The following SPTBN1 variants were observed in gnomAD, a reference collection of about 807,000 sequenced individuals.
SPTBN1 encodes spectrin beta, non-erythrocytic 1, also known as spectrin beta chain, non-erythrocytic 1.
Under a neutral mutation model 266.4 loss-of-function variants are expected in SPTBN1, and 32 were observed. That is an observed-to-expected ratio of 0.12 (90% CI 0.09 to 0.16). The LOEUF is 0.16. SPTBN1 is among the 10% of genes least tolerant of loss of function. The pLI, the probability that SPTBN1 is intolerant of heterozygous loss-of-function variation, is 1.00. For synonymous variants in SPTBN1, 1,336 were observed against 1,162.2 expected (o/e 1.15, Z -3.04); for missense variants, 2,296 against 3,067.1 (o/e 0.75, Z 5.94).
At chr2:54,497,846 C>G (rs886961527) in intron 1 of SPTBN1, among the ~76,000 whole-genome samples, 1 of 152,140 alleles carries the variant, frequency 6.6e-6, no homozygotes, top group Non-Finnish European at 1.5e-5. Context: ...CTTACAAAAT[C>G]CATAAAAACA....
chr2:54,476,497 A>G (rs1667840356), intron 1 of SPTBN1, among the ~76,000 whole-genome samples: 1 of 152,236 alleles, frequency 6.6e-6, no homozygotes, highest in Admixed American at 6.5e-5. Context: ...GCTGGGCTTA[A>G]TAACATGTAC....
chr2:54,661,401 G>C (rs879631207), intron 32 of SPTBN1: 91 of 985,620 alleles, frequency 9.2e-5, no homozygotes, highest in Admixed American at 1.2e-4. Flanking sequence ...TTCTCTATGA[G>C]TTAAGTCTGA....
At chr2:54,485,203 C>T (rs982115442) in intron 1 of SPTBN1, among the ~76,000 whole-genome samples, 2 of 130,996 alleles carry the variant, frequency 1.5e-5, no homozygotes, top group African/African-American at 5.0e-5. Flanking sequence ...TCTCGGTCTC[C>T]CTCTCCCTCT....
At chr2:54,574,762 A>C (rs898326198) in intron 2 of SPTBN1, among the ~76,000 whole-genome samples, 2 of 152,226 alleles carry the variant, frequency 1.3e-5, no homozygotes, top group African/African-American at 4.8e-5. Flanking sequence ...TCATGTGTCT[A>C]CTGATGCCTG....
chr2:54,533,898 TCTCA>T lies in SPTBN1; in HGVS notation c.148+7334_148+7337del, dbSNP rs1671426381. On this transcript the variant is annotated intron_variant, in intron 2 of 35. Coordinates refer to ENST00000356805, the MANE Select transcript of SPTBN1 (RefSeq NM_003128.3). This position sits in a 1 kb window ranked among gnomAD's most constrained non-coding sequence, Gnocchi z 4.2. ...AGATTGATCTCTCTCTCTGTCTCTCTCTCACACACACACACACACACACACACAC... is the reference window on the plus strand; with the variant it reads ...AGATTGATCTCTCTCTCTGTCTCTCTCACACACACACACACACACACACAC... 1.1e-5 allele frequency among the ~76,000 whole-genome samples: 1 copy of T among 93,516 alleles called. No homozygotes were observed. The highest frequency in any genetic ancestry group is 4.6e-5 in the African/African-American group (1 of 21,716). The allele number at this position is 93,516 out of a possible 152,430, so 61.4% of individuals were successfully genotyped here. A position where few individuals can be genotyped will look rare whatever the true frequency, so the allele number is the denominator to read the frequency against.
chr2:54,511,910 TA>T (rs1669875600), intron 1 of SPTBN1, among the ~76,000 whole-genome samples: 1 of 152,170 alleles, frequency 6.6e-6, no homozygotes, highest in Non-Finnish European at 1.5e-5. Flanking sequence ...CTCACCATGA[TA>T]TAGAATCAGT....
intron 1 of SPTBN1, among the ~76,000 whole-genome samples, chr2:54,456,880 C>G (rs1000783328): frequency 1.4e-4 from 21 of 151,484 alleles, no homozygotes; most frequent in Admixed American, 5.9e-4. Flanking sequence ...TCCCTGCAGC[C>G]GGGCGCGGCG....
chr2:54,499,145 C>T (rs950124117), intron 1 of SPTBN1, among the ~76,000 whole-genome samples: 13 of 57,412 alleles, frequency 2.3e-4, no homozygotes, highest in African/African-American at 5.8e-4. Context: ...TGGAAGGGAT[C>T]GATCTGTTCT....
In SPTBN1 at chr2:54,645,413, A is replaced by G. The variant is rs761483604; in HGVS notation, c.4454A>G (p.Lys1485Arg). Residue 1485 changes from lysine to arginine, a missense_variant, in exon 21 of 36, where the codon AAA becomes AGA. By Grantham distance (26) the Lys-to-Arg change is conservative. Around this residue, in one of 12 missense-constraint regions of SPTBN1, gnomAD observed 3 missense variants for 18.3 expected, o/e 0.16. Coordinates refer to ENST00000356805, the MANE Select transcript of SPTBN1 (RefSeq NM_003128.3). The surrounding 1 kb of genome is among the most constrained non-coding windows in gnomAD (Gnocchi z 4.3). Reference sequence around the variant, plus strand: ...AGGAAGCATAACCTGCTGGCCTCCAAAGAGATCCATCAGTTCAACAGGGAT... The same window carrying G: ...AGGAAGCATAACCTGCTGGCCTCCAGAGAGATCCATCAGTTCAACAGGGAT... The part of the protein sequence containing the change: ...NERKHNLLAS[K>R]EIHQFNRDVE... 6 of 1,614,024 alleles carry G rather than the reference A, an allele frequency of 3.7e-6. No individual in the cohort carries two copies. In the East Asian group the frequency reaches 8.9e-5, roughly 24 times the overall value.
chr2:54,463,320 ACAAGT>A (rs1177291767), intron 1 of SPTBN1, among the ~76,000 whole-genome samples: 1 of 152,266 alleles, frequency 6.6e-6, no homozygotes, highest in Non-Finnish European at 1.5e-5. Context: ...TGACAAATAG[ACAAGT>A]CAAGTGCATG....
chr2:54,610,085 T>TACACTTTTCCTTCAC, intron 3 of SPTBN1, among the ~76,000 whole-genome samples: 1 of 152,232 alleles, frequency 6.6e-6, no homozygotes, highest in Admixed American at 6.5e-5. Context: ...TTTTCCTTCA[T>TACACTTTTCCTTCAC]TGATTTTCTT....
At chr2:54,586,555 G>A (rs1222945017) in intron 2 of SPTBN1, among the ~76,000 whole-genome samples, 1 of 152,110 alleles carries the variant, frequency 6.6e-6, no homozygotes, top group Non-Finnish European at 1.5e-5. Flanking sequence ...GAGGACTTCT[G>A]TATCTTAGCT....
intron 1 of SPTBN1, among the ~76,000 whole-genome samples, chr2:54,523,124 T>C (rs1039668418): frequency 1.3e-5 from 2 of 152,242 alleles, no homozygotes; most frequent in African/African-American, 2.4e-5. Context: ...TGCATGACAT[T>C]ATTAATTTTC....
At position 54,630,847 on chromosome 2, in the gene SPTBN1, A is replaced by C. The variant is rs1213617081; in HGVS notation, c.2808-8A>C. Reference sequence around the variant, plus strand: ...TTTCACACTCGCTGTCTGCCCCTGCACTCACAGGTGGAGCCAGTTCAGAGA... The same window carrying C: ...TTTCACACTCGCTGTCTGCCCCTGCCCTCACAGGTGGAGCCAGTTCAGAGA... On this transcript the variant is annotated splice_polypyrimidine_tract_variant and splice_region_variant and intron_variant, in intron 15 of 35. Coordinates refer to ENST00000356805, the MANE Select transcript of SPTBN1 (RefSeq NM_003128.3). 5 of 1,562,466 alleles carry C rather than the reference A, an allele frequency of 3.2e-6. No individual in the cohort carries two copies. The highest frequency in any genetic ancestry group is 4.5e-5 in the East Asian group (2 of 44,378).
chr2:54,659,803 T>TA, intron 31 of SPTBN1, 133 bp from the exon 32 acceptor site: 1 of 1,449,310 alleles, frequency 6.9e-7, no homozygotes. Flanking sequence ...GTTTCAGATT[T>TA]AAAAAGAATT....
At chr2:54,600,754 G>T (rs1274962567) in intron 3 of SPTBN1, among the ~76,000 whole-genome samples, 4 of 124,952 alleles carry the variant, frequency 3.2e-5, no homozygotes, top group Admixed American at 8.5e-5. Flanking sequence ...ATGGTGTTTT[G>T]AAAGTAGCTA....
At chr2:54,480,351 T>A (rs915257993) in intron 1 of SPTBN1, among the ~76,000 whole-genome samples, 3 of 152,204 alleles carry the variant, frequency 2.0e-5, no homozygotes, top group African/African-American at 7.2e-5. Flanking sequence ...GTTGCCAGAT[T>A]TAGGAAAAAC....
At chr2:54,572,434 T>A (rs1268115022) in intron 2 of SPTBN1, among the ~76,000 whole-genome samples, 1 of 152,194 alleles carries the variant, frequency 6.6e-6, no homozygotes, top group East Asian at 1.9e-4. Context: ...CGAGTGTCTT[T>A]GTTTACAGAG....
At chr2:54,621,919 C>G (rs950853230) in intron 8 of SPTBN1, among the ~76,000 whole-genome samples, 2 of 152,166 alleles carry the variant, frequency 1.3e-5, no homozygotes, top group African/African-American at 4.8e-5. Flanking sequence ...ACATTGTCCT[C>G]TCAATGCAGT....
Sources: allele counts gnomAD v4.1 joint callset (sites outside exome capture counted in the v4.1 genomes callset), GRCh38; gene constraint gnomAD v4.1.1; regional missense constraint gnomAD v4.1.1; non-coding constraint Gnocchi (gnomAD v3.1); transcripts MANE v1.5; gene names NCBI Gene and HGNC (gene_info 2026-07-23, HGNC 2026-07-21).